The following SEM1 variants were observed in gnomAD, a reference collection of about 807,000 sequenced individuals.
SEM1 encodes the protein 26S proteasome complex subunit SEM1.
In SEM1, 3 loss-of-function variants were observed where a neutral mutation model predicts 12.7. That is an observed-to-expected ratio of 0.24 (90% CI 0.11 to 0.61). The LOEUF (loss-of-function observed/expected upper bound fraction) is 0.61, where lower values mean the gene tolerates loss of function less well. Among genes scored for constraint, SEM1 ranks in the 20% least tolerant of loss-of-function variants. The pLI, the probability that SEM1 is intolerant of heterozygous loss-of-function variation, is 0.88. For missense variants in SEM1, 59 were observed against 81.3 expected (o/e 0.73, Z 1.06); for synonymous variants, 30 against 27.8 (o/e 1.08, Z -0.25).
intron 1 of SEM1, among the ~76,000 whole-genome samples, chr7:96,705,478 TA>T (rs1490837458): frequency 6.6e-6 from 1 of 152,020 alleles, no homozygotes; most frequent in African/African-American, 2.4e-5. Flanking sequence ...GAGAAACTAA[TA>T]AAAATATTTT....
chr7:96,601,662 T>A (rs2116192430), intron 2 of SEM1, among the ~76,000 whole-genome samples: 1 of 152,278 alleles, frequency 6.6e-6, no homozygotes, highest in South Asian at 2.1e-4. Context: ...AAGGGCCAAC[T>A]TTTACTGTCA....
intron 2 of SEM1, among the ~76,000 whole-genome samples, chr7:96,638,644 C>A (rs985895392): frequency 2.6e-5 from 4 of 151,772 alleles, no homozygotes; most frequent in Admixed American, 1.3e-4. Context: ...TTTCACTCAA[C>A]AATCCATTAT....
downstream of SEM1, among the ~76,000 whole-genome samples, chr7:96,668,791 A>C (rs969975327): frequency 1.3e-5 from 2 of 152,154 alleles, no homozygotes; most frequent in African/African-American, 4.8e-5. Flanking sequence ...AGTACTTCAG[A>C]ATGTGACCTT....
At chr7:96,509,420 G>A (rs1012425530) in intron 2 of SEM1, among the ~76,000 whole-genome samples, 1 of 151,932 alleles carries the variant, frequency 6.6e-6, no homozygotes, top group Admixed American at 6.6e-5. Flanking sequence ...AAAGACTGAA[G>A]GACTGATTAT....
intron 2 of SEM1, among the ~76,000 whole-genome samples, chr7:96,531,513 T>A (rs1804641103): frequency 6.7e-6 from 1 of 149,850 alleles, no homozygotes; most frequent in Admixed American, 6.7e-5. Context: ...AAGGCTGATG[T>A]GGGAGGACTG....
chr7:96,490,249 C>T (rs1044591755), intron 1 of SEM1, among the ~76,000 whole-genome samples: 5 of 152,112 alleles, frequency 3.3e-5, no homozygotes, highest in African/African-American at 7.2e-5. Context: ...ATTCCAAGGA[C>T]GTTGAAGTGT....
At chr7:96,628,880 T>C (rs547060919) in intron 2 of SEM1, among the ~76,000 whole-genome samples, 2 of 152,322 alleles carry the variant, frequency 1.3e-5, no homozygotes, top group African/African-American at 2.4e-5. Context: ...TCTTTAGTTT[T>C]CCTTCACGTT....
intron 2 of SEM1, among the ~76,000 whole-genome samples, chr7:96,639,415 C>A (rs1214682037): frequency 6.6e-6 from 1 of 151,756 alleles, no homozygotes; most frequent in African/African-American, 2.4e-5. Context: ...ATAGATTACC[C>A]AGAAATAGAC....
chr7:96,504,268 C>T lies in SEM1; in HGVS notation c.*60+2355G>A, dbSNP rs144132928. On this transcript the variant is annotated intron_variant and NMD_transcript_variant, in intron 3 of 3. Transcript: ENST00000466986. ...CACATCATATCCTTTCCTAAAGTGACCCCTTTTCTTACAGAATCTGGAACT... is the reference window on the plus strand; with the variant it reads ...CACATCATATCCTTTCCTAAAGTGATCCCTTTTCTTACAGAATCTGGAACT... Among the ~76,000 whole-genome samples the T allele has an allele frequency of 3.4e-4, 51 of 152,194 alleles. No individual in the cohort carries two copies. The East Asian group carries it at 7.9e-3, about 24-fold the overall frequency.
intron 2 of SEM1, among the ~76,000 whole-genome samples, chr7:96,516,242 T>C (rs1370702975): frequency 2.6e-5 from 4 of 152,226 alleles, no homozygotes. Context: ...TAAGTTGGAC[T>C]TCATCCAAAT....
At chr7:96,709,094 CG>C (rs939492739) in intron 1 of SEM1, among the ~76,000 whole-genome samples, 1 of 152,092 alleles carries the variant, frequency 6.6e-6, no homozygotes, top group Non-Finnish European at 1.5e-5. Flanking sequence ...CGATTACAGG[CG>C]TGAGCCACCA....
chr7:96,495,267 C>A (rs1037923004), intron 1 of SEM1, among the ~76,000 whole-genome samples: 4 of 152,088 alleles, frequency 2.6e-5, no homozygotes, highest in Non-Finnish European at 5.9e-5. Context: ...TTTAGATAGA[C>A]TTTTTCACAA....
chr7:96,697,980 T>C (rs1790151720), intron 1 of SEM1, among the ~76,000 whole-genome samples: 1 of 152,156 alleles, frequency 6.6e-6, no homozygotes, highest in South Asian at 2.1e-4. Context: ...GGCACCACTT[T>C]GCTACTATAT....
At chr7:96,502,894 A>T (rs1485656383) in intron 3 of SEM1, among the ~76,000 whole-genome samples, 1 of 152,208 alleles carries the variant, frequency 6.6e-6, no homozygotes, top group African/African-American at 2.4e-5. Flanking sequence ...ATTCTATAAT[A>T]GGTGATTAAT....
chr7:96,501,598 G>T (rs933155840), intron 3 of SEM1, among the ~76,000 whole-genome samples: 3 of 152,136 alleles, frequency 2.0e-5, no homozygotes, highest in African/African-American at 7.2e-5. Context: ...ACCTGTCATT[G>T]AGCACACTGA....
chr7:96,581,009 A>G (rs1037697641), intron 2 of SEM1, among the ~76,000 whole-genome samples: 4 of 152,114 alleles, frequency 2.6e-5, no homozygotes, highest in African/African-American at 9.7e-5. Context: ...TTTTGTTGCC[A>G]TTGCTTTTGG....
At chr7:96,537,077 A>G (rs375144436) in intron 2 of SEM1, among the ~76,000 whole-genome samples, 1 of 151,798 alleles carries the variant, frequency 6.6e-6, no homozygotes, top group Non-Finnish European at 1.5e-5. Flanking sequence ...AATTTTACTT[A>G]AAATGTTAGT....
intron 2 of SEM1, among the ~76,000 whole-genome samples, chr7:96,524,946 C>G (rs929165077): frequency 7.9e-5 from 12 of 152,030 alleles, no homozygotes; most frequent in Non-Finnish European, 1.8e-4. Flanking sequence ...ATTAATTAAA[C>G]TTAATTAAAT....
intron 2 of SEM1, among the ~76,000 whole-genome samples, chr7:96,514,138 T>C (rs1306115177): frequency 6.6e-6 from 1 of 152,180 alleles, no homozygotes; most frequent in Non-Finnish European, 1.5e-5. Flanking sequence ...AGAGTATTGC[T>C]CTAAGAAAGA....
Sources: allele counts gnomAD v4.1 joint callset (sites outside exome capture counted in the v4.1 genomes callset), GRCh38; gene constraint gnomAD v4.1.1; transcripts MANE v1.5; gene names NCBI Gene and HGNC (gene_info 2026-07-23, HGNC 2026-07-21).